The following NEB variants were observed in gnomAD, a reference collection of about 807,000 sequenced individuals.
NEB encodes the protein nebulin.
Under a neutral mutation model 952.2 loss-of-function variants are expected in NEB, and 512 were observed. That is an observed-to-expected ratio of 0.54 (90% CI 0.50 to 0.58). The LOEUF is 0.58. Ranked by LOEUF, NEB falls within the 20% of genes least tolerant of loss-of-function variation. The probability of loss-of-function intolerance (pLI) is 0.00; values close to 1 mark genes in which losing one functional copy is unlikely to be tolerated. For synonymous variants in NEB, 2,900 were observed against 3,149.8 expected, an observed-to-expected ratio of 0.92 and a Z score of 2.66; for missense variants, 8,428 against 9,231.1, an observed-to-expected ratio of 0.91 and a Z score of 3.56.
At chr2:151,569,746 G>A (rs1406008537) in intron 109 of NEB, among the ~76,000 whole-genome samples, 1 of 152,076 alleles carries the variant, frequency 6.6e-6, no homozygotes, top group Non-Finnish European at 1.5e-5. Flanking sequence ...AATTAAAAAA[G>A]CATGTCTGTG....
chr2:151,545,962 G>A lies in NEB; in HGVS notation c.20503C>T (p.Arg6835Ter), dbSNP rs370098540. 15 of 1,596,440 alleles carry A rather than the reference G, an allele frequency of 9.4e-6. No individual in the cohort carries two copies. The highest frequency in any genetic ancestry group is 1.2e-5 in the Non-Finnish European group (14 of 1,170,714). The change falls in exon 135 of 182, where the codon CGA (arginine) becomes TGA (stop). Residue 6835 changes from arginine (R) to a stop codon, truncating the protein, a stop_gained. Transcript: ENST00000397345. LOFTEE classifies it high-confidence loss of function. ...TCAAGCACCACTTTGTATTTGTCTCGCATCTTCCTTGCCTTATCAGTGTAT... is the reference window on the plus strand; with the variant it reads ...TCAAGCACCACTTTGTATTTGTCTCACATCTTCCTTGCCTTATCAGTGTAT... ...YLYTDKARKM[R>*]DKYKVVLDTP...
chr2:151,678,168 T>C lies in NEB; in HGVS notation c.3275A>G (p.Tyr1092Cys). 17 of 1,608,118 alleles carry C rather than the reference T, an allele frequency of 1.1e-5. No individual in the cohort carries two copies. Among genetic ancestry groups the C allele is most frequent in the Non-Finnish European group, 1.4e-5 (16 of 1,176,834 alleles). The part of the protein sequence containing the change: ...AASDVQYKKD[Y>C]EKAKGKMVGF... ...AACCATTTTCCCTTTAGCCTTTTCA[T>C]AGTCTTTTTTGTACTGAACCTATTG... is the stretch of plus-strand genomic sequence containing the variant. The change falls in exon 33 of 182, where the codon TAT becomes TGT. Residue 1092 changes from tyrosine (Y) to cysteine (C), a missense_variant. Transcript: ENST00000397345.
rs1327124085 is a variant in NEB, at chr2:151,501,745, A to AAAG, written c.23929-265_23929-263dup. Among the ~76,000 whole-genome samples the AAAG allele has an allele frequency of 1.1e-4, 16 of 152,158 alleles. 1 individual carries two copies. Among genetic ancestry groups the AAAG allele is most frequent in the African/African-American group, 3.9e-4 (16 of 41,416 alleles). On this transcript the variant is annotated intron_variant, in intron 167 of 181. Coordinates refer to ENST00000397345, the MANE Select transcript of NEB (RefSeq NM_001164508.2). ...GCTTGACTTATGTAGGCCTTCTCTC[A>AAAG]AAGACCAGAGTATCAAATAGCATTC...
chr2:151,670,933 T>A (rs1157023025), intron 38 of NEB, 90 bp downstream of exon 38: 1 of 1,334,572 alleles, frequency 7.5e-7, no homozygotes, highest in African/African-American at 1.4e-5. Flanking sequence ...CATAGATGCA[T>A]CCTCACACAT....
At chr2:151,726,024 T>C (rs2099789577) in intron 5 of NEB, among the ~76,000 whole-genome samples, 1 of 152,244 alleles carries the variant, frequency 6.6e-6, no homozygotes, top group Non-Finnish European at 1.5e-5. Context: ...AATTATATTC[T>C]GTAAATTTAG....
At chr2:151,723,638 T>C (rs935541839) in intron 8 of NEB, among the ~76,000 whole-genome samples, 152 bp from the exon 9 acceptor site, 108 of 151,950 alleles carry the variant, frequency 7.1e-4, no homozygotes, top group Non-Finnish European at 2.2e-4. Flanking sequence ...CCACTTTCCA[T>C]CCAACCCAAG....
rs1280877283 is a variant in NEB at position 151,605,278 on chromosome 2, C to G, written c.12748-407G>C. 2.3e-5 allele frequency among the ~76,000 whole-genome samples: 3 copies of G among 130,410 alleles called. 1 individual carries two copies. Among genetic ancestry groups the G allele is most frequent in the Non-Finnish European group, 5.2e-5 (3 of 57,332 alleles). The allele number at this position is 130,410 out of a possible 152,430, so 85.6% of individuals were successfully genotyped here. A position where few individuals can be genotyped will look rare whatever the true frequency, so the allele number is the denominator to read the frequency against. On this transcript the variant is annotated intron_variant, in intron 84 of 181. Transcript: ENST00000397345. ...TCACAATGTCTCTATGAGGTAGATA[C>G]TATTATTAACATATATTCCAGATGG...
chr2:151,543,332 A>G (rs1307088435), intron 135 of NEB, among the ~76,000 whole-genome samples: 1 of 152,202 alleles, frequency 6.6e-6, no homozygotes, highest in Non-Finnish European at 1.5e-5. Flanking sequence ...AATTTCTTTA[A>G]ATCTGAATTA....
In NEB at chr2:151,512,826, C is replaced by T. The variant is rs1575685245; in HGVS notation, c.23253G>A (p.Lys7751=). The T allele has an allele frequency of 6.2e-7, 1 of 1,609,834 alleles. No homozygotes were observed. Among genetic ancestry groups the T allele is most frequent in the Non-Finnish European group, 8.5e-7 (1 of 1,176,614 alleles). Residue 7751 remains lysine (K), a synonymous_variant, in exon 161 of 182, where the codon AAG becomes AAA. Coordinates refer to ENST00000397345, the MANE Select transcript of NEB (RefSeq NM_001164508.2). Reference sequence around the variant, plus strand: ...TGGCTTTCTCCATTTCTGCTGATTGCTTATACTTAATCTGTAAAACAACAC... The same window carrying T: ...TGGCTTTCTCCATTTCTGCTGATTGTTTATACTTAATCTGTAAAACAACAC... ...ATDIASQIKY[K]QSAEMEKANF... is the part of the protein sequence containing the mutation.
At chr2:151,640,787 A>G (rs2098837054) in intron 60 of NEB, 121 bp from the exon 61 acceptor site, 2 of 874,366 alleles carry the variant, frequency 2.3e-6, no homozygotes, top group Non-Finnish European at 3.4e-6. Context: ...ATTATATGAT[A>G]GATGTAGAAA....
At position 151,614,409 on chromosome 2, in the gene NEB, C is replaced by G. The variant is rs775585450; in HGVS notation, c.11468G>C (p.Gly3823Ala). 3 of 1,613,904 alleles carry G rather than the reference C, an allele frequency of 1.9e-6. No individual in the cohort carries two copies. In the East Asian group the frequency reaches 6.7e-5, roughly 36 times the overall value. Residue 3823 changes from glycine to alanine, a missense_variant, in exon 77 of 182, where the codon GGG (glycine) becomes GCG (alanine). Transcript: ENST00000397345. The stretch of plus-strand genomic sequence containing the variant: ...CTGACACTTCTTGGCCAGCACCACC[C>G]CCAGCATGTCCACTGGGCTGCTGAA... ...TKFSSPVDML[G>A]VVLAKKCQIL...
chr2:151,541,476 C>G lies in NEB; in HGVS notation c.20653G>C (p.Ala6885Pro), dbSNP rs1201503713. ...SVPDTPDLLR[A>P]KRGQKLQSQY... ...CTCTGAAGCTTCTGCCCTCGCTTGGCTCTTAAAAGATCAGGAGTATCAGGA... is the reference window on the plus strand; with the variant it reads ...CTCTGAAGCTTCTGCCCTCGCTTGGGTCTTAAAAGATCAGGAGTATCAGGA... Residue 6885 changes from alanine (A) to proline (P), a missense_variant, in exon 136 of 182, where the codon GCC becomes CCC. Coordinates refer to ENST00000397345, the MANE Select transcript of NEB (RefSeq NM_001164508.2). The G allele has an allele frequency of 6.2e-7, 1 of 1,613,228 alleles. No homozygotes were observed. The highest frequency in any genetic ancestry group is 8.5e-7 in the Non-Finnish European group (1 of 1,179,460).
rs200335438 is a variant in NEB at position 151,576,277 on chromosome 2, G to A, written c.16782C>T (p.Val5594=). ...MPQGSPEVLR[V]KNAQNIFCDS... is the part of the protein sequence containing the mutation. ...CACAAAAGATATTCTGGGCGTTTTTGACTCTCAACACTTCAGGAGACCCTT... is the reference window on the plus strand; with the variant it reads ...CACAAAAGATATTCTGGGCGTTTTTAACTCTCAACACTTCAGGAGACCCTT... Residue 5594 remains valine, a synonymous_variant, in exon 106 of 182, where the codon GTC becomes GTT. Coordinates refer to ENST00000397345, the MANE Select transcript of NEB (RefSeq NM_001164508.2). The A allele has an allele frequency of 6.2e-7, 1 of 1,610,980 alleles. No homozygotes were observed. Among genetic ancestry groups the A allele is most frequent in the African/African-American group, 1.3e-5 (1 of 74,794 alleles).
Position 151,620,972 on chromosome 2 carries a change from T to C in NEB, c.10507A>G (p.Ser3503Gly), listed in dbSNP as rs1261987421. ...EAKKEGYDLR[S>G]DAIPIVAAKA... is the part of the protein sequence containing the mutation. The stretch of plus-strand genomic sequence containing the variant: ...GCAGCCACAATGGGAATGGCATCAC[T>C]TCTCAAGTCATAGCCTTCTTTCTTG... The change falls in exon 72 of 182, where the codon AGT (serine) becomes GGT (glycine). Residue 3503 changes from serine to glycine, a missense_variant. Ser to Gly is a moderately conservative substitution (Grantham distance 56). This residue lies in a region of NEB where 1,772 missense variants were observed against 1,960.3 expected (regional missense o/e 0.90). Transcript: ENST00000397345. 6.2e-7 allele frequency: 1 copy of C among 1,613,146 alleles called. No homozygotes were observed. Among genetic ancestry groups the C allele is most frequent in the Non-Finnish European group, 8.5e-7 (1 of 1,179,578 alleles).
chr2:151,535,476 C>T (rs1279417909), intron 142 of NEB, among the ~76,000 whole-genome samples: 1 of 152,180 alleles, frequency 6.6e-6, no homozygotes, highest in African/African-American at 2.4e-5. Flanking sequence ...GCGGGGCTCT[C>T]CCACCACTGA....
rs534475193 is a variant in NEB, at chr2:151,627,654, C to T, written c.10012G>A (p.Val3338Met). The T allele has an allele frequency of 3.1e-6, 5 of 1,614,012 alleles. No homozygotes were observed. The highest frequency in any genetic ancestry group is 2.2e-5 in the East Asian group (1 of 44,880). Residue 3338 changes from valine (V) to methionine (M), a missense_variant, in exon 69 of 182, where the codon GTG becomes ATG. Physicochemically the swap from Val to Met is conservative, Grantham distance 21. This residue lies in a region of NEB where 1,772 missense variants were observed against 1,960.3 expected (regional missense o/e 0.90). Transcript: ENST00000397345. ...GTCTGGCACTTCTTGGCTAACACCA[C>T]TCCCAGCATGTCCACTGGGCTGCTG... ...KFSSPVDMLG[V>M]VLAKKCQTLV...
chr2:151,541,125 G>A (rs948679932), intron 136 of NEB, among the ~76,000 whole-genome samples: 2 of 152,112 alleles, frequency 1.3e-5, no homozygotes, highest in South Asian at 2.1e-4. Flanking sequence ...TGATTTTTGC[G>A]TGACTGCATG....
chr2:151,506,944 G>C lies in NEB; in HGVS notation c.23521C>G (p.Leu7841Val). 6.2e-7 allele frequency: 1 copy of C among 1,611,054 alleles called. No homozygotes were observed. Among genetic ancestry groups the C allele is most frequent in the Non-Finnish European group, 8.5e-7 (1 of 1,178,004 alleles). ...ITVVQDTPEI[L>V]RVKENQKNFS... ...TTCTTCTGATTTTCTTTTACACGCA[G>C]TATTTCTGGCGTGTCTTGAACAACT... Residue 7841 changes from leucine (L) to valine (V), a missense_variant, in exon 163 of 182, where the codon CTG (leucine) becomes GTG (valine). Around this residue, in one of 11 missense-constraint regions of NEB, gnomAD observed 3,374 missense variants for 3,651.5 expected, o/e 0.92. Coordinates refer to ENST00000397345, the MANE Select transcript of NEB (RefSeq NM_001164508.2).
intron 65 of NEB, among the ~76,000 whole-genome samples, chr2:151,633,147 G>A (rs111918477): frequency 1.3e-5 from 2 of 152,136 alleles, no homozygotes; most frequent in African/African-American, 4.8e-5. Context: ...CTTCCAATAG[G>A]TAGTAGGCTC....
Sources: allele counts gnomAD v4.1 joint callset (sites outside exome capture counted in the v4.1 genomes callset), GRCh38; gene constraint gnomAD v4.1.1; regional missense constraint gnomAD v4.1.1; transcripts MANE v1.5; gene names NCBI Gene and HGNC (gene_info 2026-07-23, HGNC 2026-07-21).